Variants in PTPN20 observed in about 807,000 individuals in gnomAD.
The protein encoded by PTPN20 is protein tyrosine phosphatase non-receptor type 20.
A neutral mutation model predicts 35.0 loss-of-function variants in PTPN20; 9 were observed. The ratio of observed to expected loss-of-function variants is 0.26; its 90% confidence interval spans 0.15 to 0.45. PTPN20 has a LOEUF of 0.45. Among genes scored for constraint, PTPN20 ranks in the 20% least tolerant of loss-of-function variants. The pLI is 1.00. For missense variants in PTPN20, 111 were observed against 312.5 expected (o/e 0.36, Z 4.86); for synonymous variants, 32 against 100.2 (o/e 0.32, Z 4.06).
chr10:46,937,390 C>G (rs1284210944), intron 2 of PTPN20, among the ~76,000 whole-genome samples: 11 of 151,904 alleles, frequency 7.2e-5, no homozygotes, highest in African/African-American at 9.7e-5. Context: ...TTTTATTGAC[C>G]TTCTTTGGTC....
chr10:46,946,890 A>G (rs1293483333), intron 5 of PTPN20: 88 of 493,358 alleles, frequency 1.8e-4, no homozygotes, highest in African/African-American at 1.6e-3. Context: ...CCTTTCTTCA[A>G]GTATTTTAAA....
chr10:47,001,096 G>A lies in PTPN20; in HGVS notation c.*355G>A. 3.4e-6 allele frequency: 1 copy of A among 296,472 alleles called. No individual in the cohort carries two copies. Among genetic ancestry groups the A allele is most frequent in the Non-Finnish European group, 6.4e-6 (1 of 156,850 alleles). 18.4% of individuals were successfully genotyped at this position (296,472 alleles called of 1,614,324 possible). A position where few individuals can be genotyped will look rare whatever the true frequency, so the allele number is the denominator to read the frequency against. On this transcript the variant is annotated 3_prime_UTR_variant, in exon 11 of 11. Transcript: ENST00000374339. ...TTTTATTTGGAAAGGTGGCTGGAGAGAGCTGAGGATTTCCAGGACTTTGTA... is the reference window on the plus strand; with the variant it reads ...TTTTATTTGGAAAGGTGGCTGGAGAAAGCTGAGGATTTCCAGGACTTTGTA...
chr10:46,935,773 T>A (rs1158717216), intron 2 of PTPN20, among the ~76,000 whole-genome samples: 2 of 152,206 alleles, frequency 1.3e-5, no homozygotes, highest in African/African-American at 4.8e-5. Context: ...AACATACATG[T>A]GCATATGTCT....
Position 46,953,384 on chromosome 10 carries a change from TTTCTTTCTTTC to T in PTPN20, c.340+6712_340+6722del, listed in dbSNP as rs1237824613. 1.2e-3 allele frequency among the ~76,000 whole-genome samples: 177 copies of T among 143,602 alleles called. 3 individuals carry two copies. The highest frequency in any genetic ancestry group is 4.7e-3 in the African/African-American group (163 of 34,352). The allele number at this position is 143,602 out of a possible 152,430, so 94.2% of individuals were successfully genotyped here. On this transcript the variant is annotated intron_variant, in intron 5 of 10. Transcript: ENST00000374339. ...CTTTCTTTCTTTCTTTCTTTCTTTC[TTTCTTTCTTTC>T]TTTTTTTTTGACTTACTAACTTATT...
intron 1 of PTPN20, among the ~76,000 whole-genome samples, chr10:46,929,843 T>G (rs1555117318): frequency 1.4e-5 from 2 of 146,296 alleles, no homozygotes; most frequent in African/African-American, 2.7e-5. Context: ...GATTTTGTTT[T>G]TATCATATAG....
At position 46,953,553 on chromosome 10, in the gene PTPN20, T is replaced by G. The variant is rs868960961; in HGVS notation, c.340+6878T>G. Among the ~76,000 whole-genome samples the G allele has an allele frequency of 6.9e-3, 960 of 138,474 alleles. 1 individual carries two copies. The highest frequency in any genetic ancestry group is 0.028 in the African/African-American group (885 of 31,356). The allele number at this position is 138,474 out of a possible 152,430, so 90.8% of individuals were successfully genotyped here. A position where few individuals can be genotyped will look rare whatever the true frequency, so the allele number is the denominator to read the frequency against. On this transcript the variant is annotated intron_variant, in intron 5 of 10. Coordinates refer to ENST00000374339, the MANE Select transcript of PTPN20 (RefSeq NM_001042357.5). ...TATAATGTTCGCTGTAGTATTTTTG[T>G]GAATGCCATTTATCAGATTAAGGGA...
At chr10:46,994,030 C>G (rs1323354320) in intron 9 of PTPN20, among the ~76,000 whole-genome samples, 1 of 152,026 alleles carries the variant, frequency 6.6e-6, no homozygotes, top group Admixed American at 6.6e-5. Flanking sequence ...CTGAAAAATA[C>G]TTTATCACTC....
intron 5 of PTPN20, chr10:46,948,039 G>A (rs1170016182): frequency 2.4e-6 from 1 of 419,528 alleles, no homozygotes; most frequent in Non-Finnish European, 4.7e-6. Flanking sequence ...AACATTATTT[G>A]TTGCTTTTTA....
intron 5 of PTPN20, among the ~76,000 whole-genome samples, chr10:46,951,088 G>A (rs1426904172): frequency 6.6e-6 from 1 of 151,432 alleles, no homozygotes; most frequent in Non-Finnish European, 1.5e-5. Context: ...TTAAGTCAAA[G>A]TTTATGTTCG....
chr10:46,960,627 A>G lies in PTPN20; in HGVS notation c.341-4359A>G, dbSNP rs1242235583. ...AAATTCATCACTTGACAGTTTTAAC[A>G]TATGTTATATCTCTGTCTGGTTCTG... is the stretch of plus-strand genomic sequence containing the variant. On this transcript the variant is annotated intron_variant, in intron 5 of 10. Coordinates refer to ENST00000374339, the MANE Select transcript of PTPN20 (RefSeq NM_001042357.5). Among the ~76,000 whole-genome samples the G allele has an allele frequency of 2.2e-3, 332 of 151,914 alleles. 1 individual carries two copies. The highest frequency in any genetic ancestry group is 4.2e-3 in the Non-Finnish European group (285 of 67,854).
chr10:46,953,395 C>CTTTCTTTCTTTG (rs1341999684), intron 5 of PTPN20, among the ~76,000 whole-genome samples: 1 of 100,146 alleles, frequency 1.0e-5, no homozygotes, highest in African/African-American at 4.6e-5. Context: ...TTCTTTCTTT[C>CTTTCTTTCTTTG]TTTTTTTTTG....
chr10:46,983,667 CAT>C (rs145396168), intron 7 of PTPN20, among the ~76,000 whole-genome samples: 83,433 of 91,708 alleles, frequency 0.91, 37,832 homozygotes, highest in Admixed American at 0.95. Context: ...CTTTGAATAA[CAT>C]GTCCTATCAC....
intron 7 of PTPN20, among the ~76,000 whole-genome samples, chr10:46,979,159 T>C (rs1288587281): frequency 6.8e-6 from 1 of 147,898 alleles, no homozygotes; most frequent in Non-Finnish European, 1.5e-5. Context: ...TGACTGTACA[T>C]TTGGAAAAAG....
At chr10:46,997,434 TCTTC>T in intron 9 of PTPN20, among the ~76,000 whole-genome samples, 1 of 151,772 alleles carries the variant, frequency 6.6e-6, no homozygotes, top group African/African-American at 2.4e-5. Flanking sequence ...TAGATTTGTC[TCTTC>T]CTTTTTGATC....
At chr10:46,966,152 AAGGTGATC>A (rs2135663228) in intron 6 of PTPN20, among the ~76,000 whole-genome samples, 1 of 151,356 alleles carries the variant, frequency 6.6e-6, no homozygotes, top group South Asian at 2.1e-4. Context: ...CTCCTGACCT[AAGGTGATC>A]AGCCCACCTT....
At chr10:46,954,930 GAT>G (rs2048008970) in intron 5 of PTPN20, among the ~76,000 whole-genome samples, 1 of 151,338 alleles carries the variant, frequency 6.6e-6, no homozygotes, top group Non-Finnish European at 1.5e-5. Context: ...TAGGAACAAA[GAT>G]AACAATACAA....
intron 1 of PTPN20, among the ~76,000 whole-genome samples, chr10:46,925,473 A>T (rs371954168): frequency 0.27 from 37,321 of 139,512 alleles, 5,640 homozygotes; most frequent in East Asian, 0.41. Context: ...TAGGAGAGGG[A>T]AGAATTTCAG....
At chr10:46,994,091 T>G (rs2058547899) in intron 9 of PTPN20, among the ~76,000 whole-genome samples, 3 of 149,488 alleles carry the variant, frequency 2.0e-5, no homozygotes, top group Admixed American at 6.7e-5. Flanking sequence ...GGATAACAGG[T>G]TTTTTTTTTC....
intron 5 of PTPN20, chr10:46,947,969 A>T (rs1189874523): frequency 2.2e-6 from 1 of 453,516 alleles, no homozygotes; most frequent in African/African-American, 2.0e-5. Context: ...AATATCTAGG[A>T]GTGGGATTGC....
Sources: gnomAD v4.1 joint callset for allele counts (sites outside exome capture counted in the v4.1 genomes callset) on GRCh38, gnomAD v4.1.1 for gene constraint, MANE v1.5 for transcripts, NCBI Gene and HGNC (gene_info 2026-07-23, HGNC 2026-07-21) for gene names.